ZNF100: variants seen among roughly 807,000 people sequenced by gnomAD.
ZNF100 encodes the protein zinc finger protein 100.
ZNF100 carries 12 observed loss-of-function variants against 15.8 expected under a neutral mutation model. That is an observed-to-expected ratio of 0.76 (90% confidence interval 0.49 to 1.23). The LOEUF (loss-of-function observed/expected upper bound fraction) is 1.23, where lower values mean the gene tolerates loss of function less well. ZNF100 is among the 50% of genes most tolerant of loss of function. The pLI, the probability that ZNF100 is intolerant of heterozygous loss-of-function variation, is 0.00. For synonymous variants in ZNF100, 226 were observed against 214.8 expected (o/e 1.05, Z -0.45); for missense variants, 670 against 635.6 (o/e 1.05, Z -0.58).
chr19:21,733,310 AC>A (rs58558770), intron 4 of ZNF100, among the ~76,000 whole-genome samples: 12,431 of 152,190 alleles, frequency 0.082, 639 homozygotes, highest in South Asian at 0.18. Flanking sequence ...AATATTAATA[AC>A]AAATTGGAAA....
intron 2 of ZNF100, chr19:21,751,235 G>C: frequency 1.6e-6 from 2 of 1,262,184 alleles, no homozygotes; most frequent in Non-Finnish European, 2.3e-6. Flanking sequence ...CTAGGTGACA[G>C]AACAGTCAGC....
At chr19:21,750,732 C>G (rs953272697) in intron 2 of ZNF100, 3 of 308,690 alleles carry the variant, frequency 9.7e-6, no homozygotes, top group Admixed American at 4.9e-5. Flanking sequence ...GAGGCACCTG[C>G]TTGCGCGGGT....
chr19:21,726,889 G>A lies in ZNF100; in HGVS notation c.1423C>T (p.His475Tyr). ...TTCTCTCCAGTATGAATCATCTTAT[G>A]TGCAGTTAGTTGTGAGGACCGGTTA... ...AFNRSSQLTAHKMIHTGEKPY... is the reference protein window; with the variant it reads ...AFNRSSQLTAYKMIHTGEKPY... Residue 475 changes from histidine (H) to tyrosine (Y), a missense_variant, in exon 5 of 5, where the codon CAT becomes TAT. Physicochemically the swap from His to Tyr is moderately conservative, Grantham distance 83. Coordinates refer to ENST00000358296, the MANE Select transcript of ZNF100 (RefSeq NM_173531.4). 2 of 1,613,222 alleles carry A rather than the reference G, an allele frequency of 1.2e-6. No homozygotes were observed. The highest frequency in any genetic ancestry group is 1.7e-6 in the Non-Finnish European group (2 of 1,179,708).
chr19:21,756,413 T>G (rs1158149191), intron 2 of ZNF100, among the ~76,000 whole-genome samples: 1 of 152,084 alleles, frequency 6.6e-6, no homozygotes, highest in Non-Finnish European at 1.5e-5. Context: ...TTCAGGATAC[T>G]AAATCAGTAG....
intron 2 of ZNF100, among the ~76,000 whole-genome samples, chr19:21,745,813 C>T (rs1207044982): frequency 3.3e-5 from 5 of 152,174 alleles, no homozygotes; most frequent in Admixed American, 1.3e-4. Context: ...TGAGCCACCA[C>T]GCCCGGCCGA....
Position 21,727,530 on chromosome 19 carries a change from T to A in ZNF100, c.782A>T (p.Tyr261Phe), listed in dbSNP as rs946013264. 1.2e-6 allele frequency: 2 copies of A among 1,613,718 alleles called. No homozygotes were observed. Among genetic ancestry groups the A allele is most frequent in the Non-Finnish European group, 1.7e-6 (2 of 1,179,866 alleles). Residue 261 changes from tyrosine (Y) to phenylalanine (F), a missense_variant, in exon 5 of 5, where the codon TAC becomes TTC. Transcript: ENST00000358296. Reference sequence around the variant, plus strand: ...TGCTTTCCCACATTCTTCACATTTGTAGGGTTTCTCTCCAGTATGAATTCT... The same window carrying A: ...TGCTTTCCCACATTCTTCACATTTGAAGGGTTTCTCTCCAGTATGAATTCT... ...HRRIHTGEKP[Y>F]KCEECGKAFN...
intron 4 of ZNF100, among the ~76,000 whole-genome samples, chr19:21,738,460 A>T (rs977377996): frequency 6.6e-6 from 1 of 152,052 alleles, no homozygotes; most frequent in Non-Finnish European, 1.5e-5. Context: ...TGGTATAAAA[A>T]CAGACACATA....
At chr19:21,732,411 TAAAC>T (rs1314914959) in intron 4 of ZNF100, among the ~76,000 whole-genome samples, 1 of 151,986 alleles carries the variant, frequency 6.6e-6, no homozygotes, top group Non-Finnish European at 1.5e-5. Context: ...AGTCATAAAA[TAAAC>T]AGAGATGATA....
At chr19:21,764,823 C>T (rs753530960) in intron 2 of ZNF100, among the ~76,000 whole-genome samples, 3 of 151,934 alleles carry the variant, frequency 2.0e-5, no homozygotes, top group Admixed American at 6.6e-5. Context: ...GATCTGAACA[C>T]AGATATTCAC....
chr19:21,756,341 C>T (rs35110018), intron 2 of ZNF100, among the ~76,000 whole-genome samples: 12,468 of 152,188 alleles, frequency 0.082, 636 homozygotes, highest in South Asian at 0.18. Context: ...TCCTGTTCGA[C>T]ATAGAATTGG....
intron 2 of ZNF100, chr19:21,751,849 AGCTGTAAG>A: frequency 1.3e-6 from 1 of 785,576 alleles, no homozygotes; most frequent in Non-Finnish European, 2.1e-6. Context: ...TGTGTGGAGC[AGCTGTAAG>A]AAGGTCTTTC....
chr19:21,767,316 G>T, intron 1 of ZNF100, 111 bp downstream of exon 1: 1 of 1,578,446 alleles, frequency 6.3e-7, no homozygotes. Context: ...TGGGCAAGGC[G>T]CAGATTGTGA....
intron 1 of ZNF100, 133 bp downstream of exon 1, chr19:21,767,294 C>A: frequency 6.7e-7 from 1 of 1,494,414 alleles, no homozygotes; most frequent in Non-Finnish European, 9.2e-7. Flanking sequence ...CCGAAGGGGA[C>A]GGAGGCCGAG....
In ZNF100 at chr19:21,723,279, G is replaced by A. The variant is rs1032078947; in HGVS notation, c.*3404C>T. 2 of 144,076 alleles carry A rather than the reference G, an allele frequency of 1.4e-5. No individual in the cohort carries two copies. The highest frequency in any genetic ancestry group is 2.6e-5 in the African/African-American group (1 of 38,798). The allele number at this position is 144,076 out of a possible 1,614,324, so 8.9% of individuals were successfully genotyped here. ...GGAGGCTGAGGCAGGATAATTGCTT[G>A]AACCTGGAAGGCAGAGGTTGCAGTG... On this transcript the variant is annotated 3_prime_UTR_variant, in exon 5 of 5. Coordinates refer to ENST00000358296, the MANE Select transcript of ZNF100 (RefSeq NM_173531.4).
At chr19:21,728,652 T>C (rs1568289493) in intron 4 of ZNF100, among the ~76,000 whole-genome samples, 1 of 152,014 alleles carries the variant, frequency 6.6e-6, no homozygotes, top group Non-Finnish European at 1.5e-5. Context: ...AAGACGATTG[T>C]TCAGACTATG....
At position 21,727,440 on chromosome 19, in the gene ZNF100, CA is replaced by C. The variant is rs1379414947; in HGVS notation, c.871del (p.Cys291ValfsTer24). 1.9e-6 allele frequency: 3 copies of C among 1,612,980 alleles called. No individual in the cohort carries two copies. The highest frequency in any genetic ancestry group is 2.7e-5 in the African/African-American group (2 of 74,888). On this transcript the variant is annotated frameshift_variant, in exon 5 of 5. Coordinates refer to ENST00000358296, the MANE Select transcript of ZNF100 (RefSeq NM_173531.4). LOFTEE classifies it low-confidence loss of function (END_TRUNC). ...GTTAAAAGCTTTCCCACATTCTTCA[CA>C]TCTGTATGGTTTCTCTCCAGTATGA... is the stretch of plus-strand genomic sequence containing the variant. ...IIHTGEKPYR[C>X]EECGKAFNRS...
chr19:21,739,320 C>T (rs1469691728), intron 4 of ZNF100, among the ~76,000 whole-genome samples: 1 of 152,164 alleles, frequency 6.6e-6, no homozygotes, highest in East Asian at 1.9e-4. Flanking sequence ...ATTTGGAAGA[C>T]AAAAGTGAGA....
chr19:21,758,878 C>A (rs2036434139), intron 2 of ZNF100, among the ~76,000 whole-genome samples: 1 of 152,158 alleles, frequency 6.6e-6, no homozygotes, highest in Non-Finnish European at 1.5e-5. Flanking sequence ...CAATGAAAGG[C>A]TTTGTTCTCC....
At chr19:21,745,609 G>T (rs986787429) in intron 2 of ZNF100, among the ~76,000 whole-genome samples, 1 of 151,386 alleles carries the variant, frequency 6.6e-6, no homozygotes. Context: ...TGCAAGCTCC[G>T]CTTCCTGGGT....
Sources: gnomAD v4.1 joint callset for allele counts (sites outside exome capture counted in the v4.1 genomes callset) on GRCh38, gnomAD v4.1.1 for gene constraint, MANE v1.5 for transcripts, NCBI Gene and HGNC (gene_info 2026-07-23, HGNC 2026-07-21) for gene names.